TSPEAR: variants seen among roughly 807,000 people sequenced by gnomAD.
TSPEAR encodes thrombospondin type laminin G domain and EAR repeats.
Under a neutral mutation model 71.6 loss-of-function variants are expected in TSPEAR, and 69 were observed. The observed-to-expected ratio is 0.96, with a 90% CI of 0.79 to 1.18. The LOEUF (loss-of-function observed/expected upper bound fraction) is 1.18. Among genes scored for constraint, TSPEAR ranks in the 50% most tolerant of loss-of-function variants. The pLI is 0.00. For missense variants in TSPEAR, 971 were observed against 894.9 expected, an observed-to-expected ratio of 1.09 and a Z score of -1.09; for synonymous variants, 402 against 387.2, an observed-to-expected ratio of 1.04 and a Z score of -0.45.
chr21:44,591,984 C>T, intron 1 of TSPEAR: 1 of 1,601,726 alleles, frequency 6.2e-7, no homozygotes, highest in Non-Finnish European at 8.5e-7. Context: ...AAGAGGAAAT[C>T]CCAGAGCAGA....
At chr21:44,652,028 G>A (rs1984830593) in intron 1 of TSPEAR, among the ~76,000 whole-genome samples, 1 of 144,478 alleles carries the variant, frequency 6.9e-6, no homozygotes, top group Admixed American at 7.2e-5. Context: ...GTGTCGCCCA[G>A]GCTGGAGTGC....
chr21:44,676,673 G>A, intron 1 of TSPEAR: 1 of 770,582 alleles, frequency 1.3e-6, no homozygotes, highest in Non-Finnish European at 2.4e-6. Context: ...TGATCAGTGT[G>A]GGCAGCTGCC....
At chr21:44,583,076 A>G (rs188702792) in intron 1 of TSPEAR, among the ~76,000 whole-genome samples, 249 of 152,240 alleles carry the variant, frequency 1.6e-3, no homozygotes, top group African/African-American at 5.9e-3. Flanking sequence ...TTATGGCCTC[A>G]AGTGATCCAT....
rs782633943 is a variant in TSPEAR at position 44,550,857 on chromosome 21, A to G, written c.303+16928T>C. On this transcript the variant is annotated intron_variant, in intron 2 of 11. Transcript: ENST00000323084. The stretch of plus-strand genomic sequence containing the variant: ...GCACGGAGAGGAAGCCCCAGAGCAA[A>G]CAGGTACACAGCAGATGGACTTGCA... 15 of 1,526,916 alleles carry G rather than the reference A, an allele frequency of 9.8e-6. No homozygotes were observed. The highest frequency in any genetic ancestry group is 1.7e-4 in the Middle Eastern group (1 of 5,772). 94.6% of individuals were successfully genotyped at this position (1,526,916 alleles called of 1,614,324 possible). A position where few individuals can be genotyped will look rare whatever the true frequency, so the allele number is the denominator to read the frequency against.
chr21:44,582,727 A>C (rs1235556385), intron 1 of TSPEAR, among the ~76,000 whole-genome samples: 1 of 152,176 alleles, frequency 6.6e-6, no homozygotes, highest in Non-Finnish European at 1.5e-5. Flanking sequence ...TTTTTGGATC[A>C]TGGAAATTTT....
rs587601591 is a variant in TSPEAR at position 44,521,727 on chromosome 21, G to T, written c.1566+156C>A. Among the ~76,000 whole-genome samples, 3 of 152,366 alleles carry T rather than the reference G, an allele frequency of 2.0e-5. No homozygotes were observed. The South Asian group carries it at 6.2e-4, about 32-fold the overall frequency. Reference sequence around the variant, plus strand: ...AGGCAAGGATCCTGTGCCGTCCAGAGGAGCAGGCCCTGCCTGGGTTTTGGG... The same window carrying T: ...AGGCAAGGATCCTGTGCCGTCCAGATGAGCAGGCCCTGCCTGGGTTTTGGG... On this transcript the variant is annotated intron_variant, in intron 9 of 11. Coordinates refer to ENST00000323084, the MANE Select transcript of TSPEAR (RefSeq NM_144991.3).
intron 2 of TSPEAR, chr21:44,551,132 G>A: frequency 6.4e-7 from 1 of 1,563,432 alleles, no homozygotes. Flanking sequence ...CGGGCACACA[G>A]CACACAGGCT....
At chr21:44,513,444 C>T (rs2052458286) in intron 9 of TSPEAR, among the ~76,000 whole-genome samples, 1 of 152,232 alleles carries the variant, frequency 6.6e-6, no homozygotes, top group Admixed American at 6.5e-5. Flanking sequence ...ACATCAAAGG[C>T]CCTGCCAAAC....
intron 1 of TSPEAR, chr21:44,646,825 G>A: frequency 6.4e-7 from 1 of 1,568,702 alleles, no homozygotes; most frequent in Non-Finnish European, 8.6e-7. Context: ...CTGTGGGGCT[G>A]CTTCTTCGTG....
In TSPEAR at chr21:44,654,311, T is replaced by C. The variant is rs1298305559; in HGVS notation, c.82+57122A>G. ...GTGGGGGTGCTCCAGGTGACAGGTC[T>C]ATAGACCAGGGTGGGGCAGAAGGGC... On this transcript the variant is annotated intron_variant, in intron 1 of 11. Transcript: ENST00000323084. 6.2e-7 allele frequency: 1 copy of C among 1,613,906 alleles called. No homozygotes were observed. Among genetic ancestry groups the C allele is most frequent in the Non-Finnish European group, 8.5e-7 (1 of 1,179,902 alleles).
intron 3 of TSPEAR, among the ~76,000 whole-genome samples, chr21:44,531,549 T>A (rs1555915771): frequency 6.6e-6 from 1 of 151,966 alleles, no homozygotes; most frequent in African/African-American, 2.4e-5. Context: ...TAAGGTCACA[T>A]TCACGGGTGC....
At chr21:44,580,116 G>A in intron 1 of TSPEAR, 1 of 1,613,754 alleles carries the variant, frequency 6.2e-7, no homozygotes, top group East Asian at 2.2e-5. Context: ...CAGCTAGAAT[G>A]CTGGCAGCAT....
chr21:44,672,578 A>C (rs1437456496), intron 1 of TSPEAR, among the ~76,000 whole-genome samples: 6 of 152,082 alleles, frequency 3.9e-5, no homozygotes, highest in Non-Finnish European at 7.4e-5. Context: ...TCAAAACAAA[A>C]AAAAAAGAAA....
In TSPEAR at chr21:44,546,494, C is replaced by T. The variant is rs2146019351; in HGVS notation, c.304-12571G>A. Among the ~76,000 whole-genome samples, 1 of 152,302 alleles carries T rather than the reference C, an allele frequency of 6.6e-6. No homozygotes were observed. The highest frequency in any genetic ancestry group is 1.5e-5 in the Non-Finnish European group (1 of 68,028). On this transcript the variant is annotated intron_variant, in intron 2 of 11. Coordinates refer to ENST00000323084, the MANE Select transcript of TSPEAR (RefSeq NM_144991.3). This position sits in a 1 kb window ranked among gnomAD's most constrained non-coding sequence, Gnocchi z 4.4. ...GGACTACAGGCTCCCGCCACCAGGC[C>T]CGGCTAATTTTTTGTATTTTGATTG... is the stretch of plus-strand genomic sequence containing the variant.
rs1378774767 is a variant in TSPEAR at position 44,580,742 on chromosome 21, T to C, written c.83-12737A>G. On this transcript the variant is annotated intron_variant, in intron 1 of 11. Coordinates refer to ENST00000323084, the MANE Select transcript of TSPEAR (RefSeq NM_144991.3). ...CGACAGGAGGCTCCACAAGCTTCTC[T>C]TCCTTGTTGGTGTTTAGAGCTGGTG... The C allele has an allele frequency of 4.0e-6, 3 of 743,260 alleles. No homozygotes were observed. In the Admixed American group the frequency reaches 8.7e-5, roughly 22 times the overall value. 46.0% of individuals were successfully genotyped at this position (743,260 alleles called of 1,614,324 possible). A position where few individuals can be genotyped will look rare whatever the true frequency, so the allele number is the denominator to read the frequency against.
chr21:44,647,382 T>G, intron 1 of TSPEAR: 1 of 1,604,320 alleles, frequency 6.2e-7, no homozygotes, highest in Non-Finnish European at 8.5e-7. Context: ...TCCTGCTGAC[T>G]GTGTCTTTGC....
intron 5 of TSPEAR, among the ~76,000 whole-genome samples, chr21:44,528,802 T>G (rs2052908640): frequency 6.6e-6 from 1 of 152,216 alleles, no homozygotes; most frequent in Non-Finnish European, 1.5e-5. Context: ...GCCCCCTATA[T>G]GGTCAGCCCA....
chr21:44,651,211 C>T (rs1289844418), intron 1 of TSPEAR, among the ~76,000 whole-genome samples: 5 of 152,148 alleles, frequency 3.3e-5, no homozygotes, highest in African/African-American at 1.2e-4. Context: ...AGCCCAGTCA[C>T]CACAGGTCTC....
intron 1 of TSPEAR, among the ~76,000 whole-genome samples, chr21:44,709,555 C>A (rs782370306): frequency 1.3e-5 from 2 of 152,382 alleles, no homozygotes; most frequent in Middle Eastern, 3.4e-3. Context: ...CGCATGGGCC[C>A]CGTGGCAGAC....
Sources: gnomAD v4.1 joint callset for allele counts (sites outside exome capture counted in the v4.1 genomes callset) on GRCh38, gnomAD v4.1.1 for gene constraint, Gnocchi (gnomAD v3.1) non-coding constraint, MANE v1.5 for transcripts, NCBI Gene and HGNC (gene_info 2026-07-23, HGNC 2026-07-21) for gene names.